ADGRG2: variants seen among roughly 807,000 people sequenced by gnomAD.
ADGRG2 encodes adhesion G protein-coupled receptor G2, also known as G protein-coupled receptor 64.
A neutral mutation model predicts 74.1 loss-of-function variants in ADGRG2; 26 were observed. The ratio of observed to expected loss-of-function variants is 0.35; its 90% CI spans 0.26 to 0.49. The LOEUF (loss-of-function observed/expected upper bound fraction) is 0.49. ADGRG2 is among the 20% of genes least tolerant of loss of function. ADGRG2 has a pLI of 0.99. For synonymous variants in ADGRG2, 296 were observed against 295.2 expected, an observed-to-expected ratio of 1.00 and a Z score of -0.03; for missense variants, 619 against 763.1, an observed-to-expected ratio of 0.81 and a Z score of 2.22.
intron 3 of ADGRG2, among the ~76,000 whole-genome samples, chrX:19,058,300 A>G (rs745748065): frequency 1.8e-5 from 2 of 111,375 alleles, no homozygotes; most frequent in Non-Finnish European, 3.8e-5. Context: ...TCTACTTTGA[A>G]AACATCCTGT....
chrX:19,079,585 C>T (rs1272129974), intron 2 of ADGRG2, among the ~76,000 whole-genome samples: 1 of 111,961 alleles, frequency 8.9e-6, no homozygotes, highest in Non-Finnish European at 1.9e-5. Context: ...CTGGTAAGTG[C>T]TGAATAGGAA....
intron 1 of ADGRG2, among the ~76,000 whole-genome samples, chrX:19,091,910 G>A (rs2062022817): frequency 8.9e-6 from 1 of 112,696 alleles, no homozygotes; most frequent in South Asian, 3.6e-4. Context: ...TGGTGGTGGT[G>A]ATGAATGATG....
At chrX:19,040,104 T>C (rs2095353369) in intron 4 of ADGRG2, 85 bp downstream of exon 4, 1 of 651,829 alleles carries the variant, frequency 1.5e-6, no homozygotes, top group Non-Finnish European at 2.5e-6. Context: ...AATTTTGTTG[T>C]ACCTGACTAC....
At chrX:19,028,852 G>A (rs1489123312) in intron 9 of ADGRG2, among the ~76,000 whole-genome samples, 1 of 111,882 alleles carries the variant, frequency 8.9e-6, no homozygotes, top group African/African-American at 3.2e-5. Flanking sequence ...CTCAGCCAAC[G>A]TTTTTGGTGA....
chrX:19,053,527 A>G (rs756958075), intron 3 of ADGRG2, among the ~76,000 whole-genome samples: 22 of 111,987 alleles, frequency 2.0e-4, no homozygotes, highest in South Asian at 7.5e-4. Context: ...GCCTAGGTCC[A>G]AATCCTGGCT....
intron 1 of ADGRG2, among the ~76,000 whole-genome samples, chrX:19,118,116 T>C (rs7887921): frequency 0.023 from 2,596 of 111,630 alleles, 85 homozygotes; most frequent in African/African-American, 0.079. Context: ...TACTCAACAT[T>C]ATCCTACAGG....
At chrX:19,023,145 GCTAAGGACACTGATGACC>G (rs1198185839) in intron 13 of ADGRG2, among the ~76,000 whole-genome samples, 2 of 111,478 alleles carry the variant, frequency 1.8e-5, no homozygotes. Context: ...GGCCCTCGGG[GCTAAGGACACTGATGACC>G]CTTAGCCTTG....
Position 19,009,684 on chromosome X carries a change from A to G in ADGRG2, c.1364T>C (p.Val455Ala), listed in dbSNP as rs1458339584. ...AGTTGTGTTGAAACTACTGGCATTC[A>G]CTCTGATCACAGCCAGAGCCAAAGA... is the stretch of plus-strand genomic sequence containing the variant. ...SPSLALAVIRVNASSFNTTTF... is the reference protein window; with the variant it reads ...SPSLALAVIRANASSFNTTTF... Residue 455 changes from valine (V) to alanine (A), a missense_variant, in exon 18 of 29, where the codon GTG becomes GCG. Physicochemically the swap from Val to Ala is moderately conservative, Grantham distance 64 (BLOSUM62 0). This residue lies in a region of ADGRG2 where 221 missense variants were observed against 340.6 expected (regional missense o/e 0.65). Transcript: ENST00000379869. 1.7e-6 allele frequency: 2 copies of G among 1,206,610 alleles called. No homozygotes were observed. The highest frequency in any genetic ancestry group is 2.2e-6 in the Non-Finnish European group (2 of 890,882).
At chrX:19,118,270 A>C (rs1007400418) in intron 1 of ADGRG2, among the ~76,000 whole-genome samples, 2 of 112,920 alleles carry the variant, frequency 1.8e-5, no homozygotes, top group African/African-American at 6.4e-5. Flanking sequence ...AGAACTAAGA[A>C]AAGTTCAGTA....
At chrX:19,028,260 G>C (rs757033700) in intron 9 of ADGRG2, 22 bp from the exon 10 acceptor site, 1 of 769,456 alleles carries the variant, frequency 1.3e-6, no homozygotes, top group South Asian at 2.3e-5. Context: ...TTTTCAAAAA[G>C]ATATTTGAGA....
At chrX:19,037,696 G>T (rs960757145) in intron 4 of ADGRG2, 60 bp from the exon 5 acceptor site, 129 of 827,177 alleles carry the variant, frequency 1.6e-4, no homozygotes, top group Non-Finnish European at 2.1e-4. Context: ...AAATTTTAAA[G>T]AATTAAAACT....
At chrX:19,059,715 G>A (rs5955684) in intron 3 of ADGRG2, among the ~76,000 whole-genome samples, 2,676 of 62,824 alleles carry the variant, frequency 0.043, 417 homozygotes, top group East Asian at 0.076. Context: ...ATGTAGTAGT[G>A]CTAAAGAATC....
intron 6 of ADGRG2, among the ~76,000 whole-genome samples, chrX:19,037,258 G>T (rs2060961044): frequency 8.9e-6 from 1 of 112,135 alleles, no homozygotes; most frequent in Non-Finnish European, 1.9e-5. Context: ...GTGGTGGACT[G>T]CTCTCTTCCC....
At position 18,999,251 on chromosome X, in the gene ADGRG2, A is replaced by G. The variant is rs141079424; in HGVS notation, c.2359T>C (p.Tyr787His). Residue 787 changes from tyrosine to histidine, a missense_variant, in exon 26 of 29, where the codon TAC becomes CAC. By Grantham distance (83) the Tyr-to-His change is moderately conservative. Transcript: ENST00000379869. Reference protein sequence around the residue: ...FCWINNNAVFYITVVGYFCVI... With the variant: ...FCWINNNAVFHITVVGYFCVI... ...CAGAAATATCCCACCACCGTAATGT[A>G]GAATACTGCATTGTTGTTGATCCAG... 73 of 1,203,058 alleles carry G rather than the reference A, an allele frequency of 6.1e-5. No homozygotes were observed. The African/African-American group carries it at 1.0e-3, about 17-fold the overall frequency.
At chrX:19,007,488 A>G (rs1489080124) in intron 19 of ADGRG2, 131 bp from the exon 20 acceptor site, 1 of 580,412 alleles carries the variant, frequency 1.7e-6, no homozygotes, top group Non-Finnish European at 2.7e-6. Flanking sequence ...CAAGGAGGAA[A>G]GTGACTTTCC....
chrX:19,008,343 C>T (rs1254885764), intron 18 of ADGRG2, among the ~76,000 whole-genome samples: 1 of 111,633 alleles, frequency 9.0e-6, no homozygotes, highest in Non-Finnish European at 1.9e-5. Context: ...GCTTCTACTT[C>T]TATTCCTCTG....
chrX:19,042,044 G>A (rs186594262), intron 3 of ADGRG2, among the ~76,000 whole-genome samples: 1 of 111,234 alleles, frequency 9.0e-6, no homozygotes, highest in Non-Finnish European at 1.9e-5. Context: ...TTGAACTCCT[G>A]AGGCTCAAGC....
intron 2 of ADGRG2, among the ~76,000 whole-genome samples, chrX:19,079,206 A>C (rs966701072): frequency 8.9e-6 from 1 of 111,899 alleles, no homozygotes; most frequent in Non-Finnish European, 1.9e-5. Flanking sequence ...TTTAAGGAAT[A>C]AGAGTTTCAA....
Position 19,080,270 on chromosome X carries a change from C to T in ADGRG2, c.-2+2432G>A, listed in dbSNP as rs765744141. ...TCCAGATTTCTCCACTCTCTCATAC[C>T]TGCGATCTACCATACTCTTGATTAG... is the stretch of plus-strand genomic sequence containing the variant. On this transcript the variant is annotated intron_variant, in intron 2 of 28. Transcript: ENST00000379869. Among the ~76,000 whole-genome samples the T allele has an allele frequency of 3.6e-5, 4 of 111,111 alleles. No individual in the cohort carries two copies. The South Asian group carries it at 1.5e-3, about 42-fold the overall frequency.
Sources: allele counts gnomAD v4.1 joint callset (sites outside exome capture counted in the v4.1 genomes callset), GRCh38; gene constraint gnomAD v4.1.1; regional missense constraint gnomAD v4.1.1; transcripts MANE v1.5; gene names NCBI Gene and HGNC (gene_info 2026-07-23, HGNC 2026-07-21).